The following IGFBP7 variants were observed in gnomAD, a reference collection of about 807,000 sequenced individuals.
The protein encoded by IGFBP7 is insulin-like growth factor-binding protein 7.
Under a neutral mutation model 29.4 loss-of-function variants are expected in IGFBP7, and 31 were observed. The ratio of observed to expected loss-of-function variants is 1.05; its 90% CI spans 0.79 to 1.42. The LOEUF (loss-of-function observed/expected upper bound fraction) is 1.42. Ranked by LOEUF, IGFBP7 falls within the 40% of genes most tolerant of loss-of-function variation. IGFBP7 has a pLI of 0.00. For synonymous variants in IGFBP7, 172 were observed against 174.9 expected, an observed-to-expected ratio of 0.98 and a Z score of 0.13; for missense variants, 393 against 395.5, an observed-to-expected ratio of 0.99 and a Z score of 0.05.
chr4:57,097,840 C>A (rs1031724425), intron 1 of IGFBP7, among the ~76,000 whole-genome samples: 2 of 152,124 alleles, frequency 1.3e-5, no homozygotes, highest in African/African-American at 4.8e-5. Context: ...CCCTCGTACA[C>A]CAGCCAATCT....
intron 1 of IGFBP7, among the ~76,000 whole-genome samples, chr4:57,067,463 C>G (rs1724946720): frequency 6.6e-6 from 1 of 152,144 alleles, no homozygotes; most frequent in African/African-American, 2.4e-5. Flanking sequence ...GCAAATATGA[C>G]ATGATTCCAT....
intron 1 of IGFBP7, among the ~76,000 whole-genome samples, chr4:57,048,385 C>T (rs924153184): frequency 3.9e-5 from 6 of 152,174 alleles, no homozygotes; most frequent in African/African-American, 1.4e-4. Context: ...AGACAAAGGA[C>T]TCACAGACTA....
At chr4:57,068,412 A>G (rs905017871) in intron 1 of IGFBP7, among the ~76,000 whole-genome samples, 10 of 152,192 alleles carry the variant, frequency 6.6e-5, no homozygotes, top group African/African-American at 2.4e-4. Flanking sequence ...GTGTAGACAC[A>G]ACACCCAAGG....
intron 1 of IGFBP7, among the ~76,000 whole-genome samples, chr4:57,098,656 C>T (rs1382767745): frequency 6.6e-6 from 1 of 152,218 alleles, no homozygotes. Flanking sequence ...CCCAGCCTGC[C>T]CTTTCCCACT....
At chr4:57,055,643 C>T (rs1284464957) in intron 1 of IGFBP7, among the ~76,000 whole-genome samples, 1 of 45,258 alleles carries the variant, frequency 2.2e-5, no homozygotes, top group Non-Finnish European at 5.6e-5. Context: ...ACAGGGTCAT[C>T]GCGGTTCTCC....
At chr4:57,074,051 C>T (rs1331630109) in intron 1 of IGFBP7, among the ~76,000 whole-genome samples, 3 of 64,042 alleles carry the variant, frequency 4.7e-5, no homozygotes, top group Admixed American at 4.6e-4. Flanking sequence ...CTCTCTCTCT[C>T]TCTCTCTCTC....
At chr4:57,067,565 C>T (rs1209880279) in intron 1 of IGFBP7, among the ~76,000 whole-genome samples, 1 of 152,090 alleles carries the variant, frequency 6.6e-6, no homozygotes, top group Admixed American at 6.5e-5. Context: ...TGAGGAGTTG[C>T]TGTTCAATGG....
intron 1 of IGFBP7, among the ~76,000 whole-genome samples, chr4:57,094,348 A>G (rs1213418856): frequency 6.6e-6 from 1 of 152,160 alleles, no homozygotes; most frequent in African/African-American, 2.4e-5. Flanking sequence ...TGGGAGAGAG[A>G]TGACAGGCGT....
chr4:57,059,408 T>C (rs1578623598), intron 1 of IGFBP7, among the ~76,000 whole-genome samples: 1 of 152,170 alleles, frequency 6.6e-6, no homozygotes, highest in Non-Finnish European at 1.5e-5. Flanking sequence ...TGGAATACTA[T>C]GCAGCCATAA....
intron 1 of IGFBP7, among the ~76,000 whole-genome samples, chr4:57,100,846 C>T (rs1390545611): frequency 6.6e-6 from 1 of 152,218 alleles, no homozygotes; most frequent in Non-Finnish European, 1.5e-5. Context: ...AGCAGAATAT[C>T]TAAAGTAAGT....
At chr4:57,072,235 G>A (rs757257237) in intron 1 of IGFBP7, among the ~76,000 whole-genome samples, 1 of 152,098 alleles carries the variant, frequency 6.6e-6, no homozygotes, top group Admixed American at 6.5e-5. Context: ...ACTTATAAGT[G>A]AGAACACATG....
At chr4:57,034,047 C>T (rs1326654780) in intron 2 of IGFBP7, among the ~76,000 whole-genome samples, 1 of 17,610 alleles carries the variant, frequency 5.7e-5, no homozygotes, top group Non-Finnish European at 1.0e-4. Context: ...GAGACTCCAT[C>T]TCAAAAAAAA....
At chr4:57,093,658 T>C (rs1181487859) in intron 1 of IGFBP7, among the ~76,000 whole-genome samples, 1 of 152,026 alleles carries the variant, frequency 6.6e-6, no homozygotes, top group African/African-American at 2.4e-5. Context: ...CTAGGTAGAG[T>C]GAAGTGAATT....
In IGFBP7 at chr4:57,076,664, G is replaced by A. The variant is rs1372010437; in HGVS notation, c.475+33213C>T. Among the ~76,000 whole-genome samples the A allele has an allele frequency of 3.3e-5, 5 of 152,272 alleles. No homozygotes were observed. In the East Asian group the frequency reaches 7.7e-4, roughly 24 times the overall value. On this transcript the variant is annotated intron_variant, in intron 1 of 4. Coordinates refer to ENST00000295666, the MANE Select transcript of IGFBP7 (RefSeq NM_001553.3). The stretch of plus-strand genomic sequence containing the variant: ...GAAAACCAGCTTAGAAGGTGACGTG[G>A]GTGTTTAGCTTAAGGAAGAGAAGCC...
chr4:57,105,290 C>T (rs1725995976), intron 1 of IGFBP7, among the ~76,000 whole-genome samples: 1 of 152,206 alleles, frequency 6.6e-6, no homozygotes, highest in African/African-American at 2.4e-5. Context: ...AAATATGTTT[C>T]CTTGTTTCTG....
intron 1 of IGFBP7, among the ~76,000 whole-genome samples, chr4:57,076,032 T>C (rs1718850): frequency 0.77 from 117,881 of 152,174 alleles, 45,954 homozygotes; most frequent in East Asian, 0.97. Flanking sequence ...TACCATGGAC[T>C]TGGTGGCTTA....
chr4:57,082,639 G>A (rs1027504223), intron 1 of IGFBP7, among the ~76,000 whole-genome samples: 6 of 152,194 alleles, frequency 3.9e-5, no homozygotes, highest in Admixed American at 3.9e-4. Flanking sequence ...AAAAGTGCAT[G>A]CTCACTGTAA....
intron 1 of IGFBP7, among the ~76,000 whole-genome samples, chr4:57,088,574 C>G (rs1230559722): frequency 6.6e-6 from 1 of 152,094 alleles, no homozygotes; most frequent in East Asian, 1.9e-4. Flanking sequence ...GTTTCTGAAG[C>G]ATTAGCCACT....
At position 57,031,048 on chromosome 4, in the gene IGFBP7, G is replaced by A; in HGVS notation, c.*269C>T. ...CTTGGTGTCTTGTTTCTATTGTGTG[G>A]CTTTTTAAAAATGACAAATATGTAC... On this transcript the variant is annotated 3_prime_UTR_variant, in exon 5 of 5. Coordinates refer to ENST00000295666, the MANE Select transcript of IGFBP7 (RefSeq NM_001553.3). 9.2e-7 allele frequency: 1 copy of A among 1,086,932 alleles called. No individual in the cohort carries two copies. Among genetic ancestry groups the A allele is most frequent in the Non-Finnish European group, 1.4e-6 (1 of 702,606 alleles). The allele number at this position is 1,086,932 out of a possible 1,614,324, so 67.3% of individuals were successfully genotyped here. A position where few individuals can be genotyped will look rare whatever the true frequency, so the allele number is the denominator to read the frequency against.
Sources: gnomAD v4.1 joint callset for allele counts (sites outside exome capture counted in the v4.1 genomes callset) on GRCh38, gnomAD v4.1.1 for gene constraint, MANE v1.5 for transcripts, NCBI Gene and HGNC (gene_info 2026-07-23, HGNC 2026-07-21) for gene names.